ETV5: variants seen among roughly 807,000 people sequenced by gnomAD.
ETV5 encodes ETS variant transcription factor 5.
In ETV5, 10 loss-of-function variants were observed where a neutral mutation model predicts 70.0. That is an observed-to-expected ratio of 0.14 (90% CI 0.09 to 0.24). The LOEUF is 0.24. ETV5 is among the 10% of genes least tolerant of loss of function. ETV5 has a pLI of 1.00. For missense variants in ETV5, 453 were observed against 651.2 expected (o/e 0.70, Z 3.31); for synonymous variants, 216 against 242.2 (o/e 0.89, Z 1.01).
At chr3:186,082,629 C>T (rs541082695) in intron 5 of ETV5, among the ~76,000 whole-genome samples, 188 of 152,214 alleles carry the variant, frequency 1.2e-3, no homozygotes, top group Non-Finnish European at 2.2e-3. Context: ...CCATGTTGGC[C>T]AGGCTGGTCT....
chr3:186,048,560 C>T lies in ETV5; in HGVS notation c.*79G>A, dbSNP rs1712937156. ...GGCAAGCTTTAGGAACAACCAAAAA[C>T]ACAAACAAAACCACTGCCCTTGTTT... On this transcript the variant is annotated 3_prime_UTR_variant, in exon 13 of 13. Coordinates refer to ENST00000306376, the MANE Select transcript of ETV5 (RefSeq NM_004454.3). 3.0e-6 allele frequency: 4 copies of T among 1,351,302 alleles called. No individual in the cohort carries two copies. The highest frequency in any genetic ancestry group is 1.8e-5 in the Admixed American group (1 of 56,348). The allele number at this position is 1,351,302 out of a possible 1,614,324, so 83.7% of individuals were successfully genotyped here.
Position 186,105,578 on chromosome 3 carries a change from C to G in ETV5, c.133+47G>C. 1.9e-6 allele frequency: 3 copies of G among 1,612,462 alleles called. No individual in the cohort carries two copies. The highest frequency in any genetic ancestry group is 2.5e-6 in the Non-Finnish European group (3 of 1,178,460). On this transcript the variant is annotated intron_variant, in intron 3 of 12. Coordinates refer to ENST00000306376, the MANE Select transcript of ETV5 (RefSeq NM_004454.3). The surrounding 1 kb of genome is among the most constrained non-coding windows in gnomAD (Gnocchi z 4.5). Reference sequence around the variant, plus strand: ...CAGGGAAGAATCTACACGCTACTGTCACTGGGAGCAGGGAAGCCACAACAT... The same window carrying G: ...CAGGGAAGAATCTACACGCTACTGTGACTGGGAGCAGGGAAGCCACAACAT...
chr3:186,108,513 C>A (rs879187786), intron 1 of ETV5: 2 of 1,287,900 alleles, frequency 1.6e-6, no homozygotes, highest in East Asian at 1.1e-4. Context: ...AGACATTCCC[C>A]TCAAACTGCT....
intron 5 of ETV5, chr3:186,095,271 A>G (rs1237248020): frequency 3.3e-5 from 5 of 152,200 alleles, no homozygotes; most frequent in African/African-American, 4.8e-5. Context: ...GGCTGCTCAC[A>G]CTGGATCACG....
Position 186,047,227 on chromosome 3 carries a change from T to C in ETV5, c.*1412A>G, listed in dbSNP as rs576721347. 1.7e-5 allele frequency: 4 copies of C among 228,642 alleles called. No homozygotes were observed. The highest frequency in any genetic ancestry group is 2.6e-5 in the Non-Finnish European group (3 of 114,968). The allele number at this position is 228,642 out of a possible 1,614,324, so 14.2% of individuals were successfully genotyped here. On this transcript the variant is annotated 3_prime_UTR_variant, in exon 13 of 13. Coordinates refer to ENST00000306376, the MANE Select transcript of ETV5 (RefSeq NM_004454.3). ...CAACTTTCACATAGCTTTAGCTTGG[T>C]TGTTTAAAACTTTTCCAATATAATA...
At chr3:186,066,421 T>G (rs1713448410) in intron 7 of ETV5, among the ~76,000 whole-genome samples, 1 of 152,168 alleles carries the variant, frequency 6.6e-6, no homozygotes, top group Admixed American at 6.5e-5. Flanking sequence ...ACATAAATGT[T>G]TGTTCACTAG....
chr3:186,069,521 A>T (rs546166150), intron 7 of ETV5, among the ~76,000 whole-genome samples: 2,118 of 125,694 alleles, frequency 0.017, 25 homozygotes, highest in African/African-American at 0.047. Context: ...TTTTTTTTTT[A>T]AAAAAAGTCT....
intron 5 of ETV5, chr3:186,104,804 C>A (rs1170888138): frequency 6.8e-6 from 1 of 146,244 alleles, no homozygotes; most frequent in East Asian, 2.0e-4. Context: ...TGCAGTGATG[C>A]GATCTCAGCT....
chr3:186,055,506 A>T (rs1160878618), intron 11 of ETV5, among the ~76,000 whole-genome samples: 2 of 152,244 alleles, frequency 1.3e-5, no homozygotes, highest in Non-Finnish European at 2.9e-5. Flanking sequence ...TCCAGCTCTG[A>T]AGGTAGACTG....
intron 1 of ETV5, among the ~76,000 whole-genome samples, chr3:186,108,239 A>G (rs872602): frequency 0.65 from 97,982 of 150,408 alleles, 33,269 homozygotes; most frequent in Non-Finnish European, 0.76. Context: ...GCGAGGCTGC[A>G]GCATCTTTCG....
intron 5 of ETV5, among the ~76,000 whole-genome samples, chr3:186,102,267 T>C (rs542859356): frequency 6.6e-6 from 1 of 152,312 alleles, no homozygotes; most frequent in Non-Finnish European, 1.5e-5. Context: ...ACAATAAATT[T>C]ACACATATAC....
intron 5 of ETV5, among the ~76,000 whole-genome samples, chr3:186,088,982 T>C (rs1327777392): frequency 1.3e-5 from 2 of 152,256 alleles, no homozygotes; most frequent in African/African-American, 4.8e-5. Context: ...ATATTTATTT[T>C]AGGACTGAGC....
chr3:186,063,382 A>G (rs1056368762), intron 9 of ETV5, among the ~76,000 whole-genome samples: 5 of 152,240 alleles, frequency 3.3e-5, no homozygotes, highest in African/African-American at 9.6e-5. Flanking sequence ...ACACTTATGC[A>G]TCTTATTTGT....
intron 7 of ETV5, chr3:186,079,086 C>T: frequency 2.8e-6 from 3 of 1,064,626 alleles, no homozygotes; most frequent in Non-Finnish European, 3.4e-6. Context: ...CCCCCCTATC[C>T]CAGAGAAACT....
intron 1 of ETV5, among the ~76,000 whole-genome samples, chr3:186,106,449 T>G (rs994098504): frequency 6.6e-6 from 1 of 152,210 alleles, no homozygotes; most frequent in Non-Finnish European, 1.5e-5. Flanking sequence ...GTTAAAACAC[T>G]ATATATAGTT....
chr3:186,056,921 T>C (rs1387700073), intron 11 of ETV5, among the ~76,000 whole-genome samples, 154 bp downstream of exon 11: 1 of 152,150 alleles, frequency 6.6e-6, no homozygotes, highest in East Asian at 1.9e-4. Context: ...GTCCCATTAA[T>C]AGGAGGGATA....
rs1433960235 is a variant in ETV5 at position 186,048,638 on chromosome 3, C to T, written c.*1G>A. On this transcript the variant is annotated 3_prime_UTR_variant, in exon 13 of 13. Transcript: ENST00000306376. ...GTTTGGCCACTCCGCCACTCAGAAA[C>T]TTAGTAAGCAAAGCCTTCGGCATAG... 6.2e-7 allele frequency: 1 copy of T among 1,614,006 alleles called. No individual in the cohort carries two copies. Among genetic ancestry groups the T allele is most frequent in the Non-Finnish European group, 8.5e-7 (1 of 1,179,898 alleles).
intron 5 of ETV5, among the ~76,000 whole-genome samples, chr3:186,083,774 C>G (rs945094071): frequency 1.3e-4 from 20 of 152,048 alleles, no homozygotes; most frequent in African/African-American, 4.6e-4. Context: ...CCACATCTAC[C>G]CTACAAGGCT....
intron 11 of ETV5, among the ~76,000 whole-genome samples, chr3:186,055,761 C>T (rs1459152286): frequency 6.6e-6 from 1 of 152,214 alleles, no homozygotes; most frequent in Non-Finnish European, 1.5e-5. Flanking sequence ...GTTGCTACCT[C>T]CTCCTGTTAA....
Sources: gnomAD v4.1 joint callset for allele counts (sites outside exome capture counted in the v4.1 genomes callset) on GRCh38, gnomAD v4.1.1 for gene constraint, Gnocchi (gnomAD v3.1) non-coding constraint, MANE v1.5 for transcripts, NCBI Gene and HGNC (gene_info 2026-07-23, HGNC 2026-07-21) for gene names.